The following ZNF880 variants were observed in gnomAD, a reference collection of about 807,000 sequenced individuals.
ZNF880 encodes the protein zinc finger protein 880.
ZNF880 carries 12 observed loss-of-function variants against 11.8 expected under a neutral mutation model. The observed-to-expected ratio is 1.02, with a 90% CI of 0.65 to 1.65. The LOEUF is 1.65. Among genes scored for constraint, ZNF880 ranks in the 40% most tolerant of loss-of-function variants. The pLI is 0.00. For missense variants in ZNF880, 601 were observed against 673.9 expected, an observed-to-expected ratio of 0.89 and a Z score of 1.20; for synonymous variants, 210 against 232.4, an observed-to-expected ratio of 0.90 and a Z score of 0.88.
intron 3 of ZNF880, chr19:52,379,465 G>C (rs1234741964): frequency 3.4e-5 from 15 of 445,934 alleles, no homozygotes; most frequent in South Asian, 2.4e-4. Flanking sequence ...CCGCGATCTC[G>C]GCTCACTGCA....
At chr19:52,392,620 G>A in the ZNF880 span, 13 of 184,608 alleles carry the variant, frequency 7.0e-5, 1 homozygote, top group East Asian at 1.9e-3. Flanking sequence ...AGTTTTAAAG[G>A]TGCCACAGTA....
chr19:52,381,191 C>T (rs1422201231), intron 3 of ZNF880, among the ~76,000 whole-genome samples: 2 of 152,114 alleles, frequency 1.3e-5, no homozygotes, highest in African/African-American at 4.8e-5. Flanking sequence ...CTCTAGTAAT[C>T]CTCCTGCCTC....
the ZNF880 span, among the ~76,000 whole-genome samples, chr19:52,392,448 C>A: frequency 6.6e-6 from 1 of 152,116 alleles, no homozygotes; most frequent in Non-Finnish European, 1.5e-5. Context: ...TTACAGGCGT[C>A]CACCACCAAA....
chr19:52,389,500 T>C (rs1297500756), downstream of ZNF880: 4 of 152,192 alleles, frequency 2.6e-5, no homozygotes, highest in African/African-American at 9.6e-5. Context: ...GTCACACTTA[T>C]GCAAGAGGTT....
the ZNF880 span, among the ~76,000 whole-genome samples, chr19:52,392,922 A>G: frequency 6.6e-6 from 1 of 152,036 alleles, no homozygotes; most frequent in African/African-American, 2.4e-5. Flanking sequence ...CCTGGGCTCA[A>G]GTCATCCTCC....
At chr19:52,386,559 T>C (rs940839919), downstream of ZNF880, among the ~76,000 whole-genome samples, 1 of 143,346 alleles carries the variant, frequency 7.0e-6, no homozygotes, top group African/African-American at 2.7e-5. Flanking sequence ...TCCCAGCACT[T>C]TGGGAGGCAA....
In ZNF880 at chr19:52,385,253, C is replaced by A; in HGVS notation, c.1673C>A (p.Thr558Asn). 6 of 1,551,714 alleles carry A rather than the reference C, an allele frequency of 3.9e-6. No individual in the cohort carries two copies. Among genetic ancestry groups the A allele is most frequent in the Non-Finnish European group, 5.2e-6 (6 of 1,147,080 alleles). ...YRCHECGKDF[T>N]RNSNLANHHR... ...TGTCATGAATGTGGTAAGGACTTCACTCGAAATTCAAACCTGGCAAATCAT... is the reference window on the plus strand; with the variant it reads ...TGTCATGAATGTGGTAAGGACTTCAATCGAAATTCAAACCTGGCAAATCAT... Residue 558 changes from threonine to asparagine, a missense_variant, in exon 4 of 4, where the codon ACT becomes AAT. Thr to Asn is a moderately conservative substitution (Grantham distance 65). Around this residue, in one of 3 missense-constraint regions of ZNF880, gnomAD observed 177 missense variants for 214.5 expected, o/e 0.83. Transcript: ENST00000422689.
At chr19:52,380,941 G>A (rs1320157268) in intron 3 of ZNF880, among the ~76,000 whole-genome samples, 1 of 152,100 alleles carries the variant, frequency 6.6e-6, no homozygotes, top group Non-Finnish European at 1.5e-5. Context: ...GCCTTGCAAA[G>A]TGTTGGAATT....
chr19:52,394,000 C>G, the ZNF880 span, among the ~76,000 whole-genome samples: 3 of 145,356 alleles, frequency 2.1e-5, no homozygotes, highest in Non-Finnish European at 4.5e-5. Context: ...CCACACCTGG[C>G]TAATTTTTTT....
intron 1 of ZNF880, among the ~76,000 whole-genome samples, chr19:52,371,377 G>C (rs1568659663): frequency 6.6e-6 from 1 of 151,294 alleles, no homozygotes; most frequent in Non-Finnish European, 1.5e-5. Flanking sequence ...CTGAGATGGA[G>C]TCTCTCTTTG....
At position 52,385,118 on chromosome 19, in the gene ZNF880, T is replaced by G. The variant is rs1416311147; in HGVS notation, c.1538T>G (p.Ile513Ser). 1 of 1,558,274 alleles carries G rather than the reference T, an allele frequency of 6.4e-7. No individual in the cohort carries two copies. The highest frequency in any genetic ancestry group is 1.9e-5 in the Admixed American group (1 of 51,434). ...TCACACCTTGCACGACATAGGCAAA[T>G]TCATACTGGAGAGAAGTCTTACAAA... ...HNSHLARHRQ[I>S]HTGEKSYKCN... The change falls in exon 4 of 4, where the codon ATT becomes AGT. Residue 513 changes from isoleucine (I) to serine (S), a missense_variant. Transcript: ENST00000422689.
intron 3 of ZNF880, among the ~76,000 whole-genome samples, chr19:52,378,113 G>T (rs978711295): frequency 6.6e-6 from 1 of 152,040 alleles, no homozygotes; most frequent in Non-Finnish European, 1.5e-5. Context: ...CCCAGTCCAG[G>T]GAACCTACAG....
chr19:52,373,237 G>A lies in ZNF880; in HGVS notation c.139G>A (p.Gly47Arg), dbSNP rs1187908861. ...VENYRNLVFL[G>R]ICLPDLSVIS... is the part of the protein sequence containing the mutation. ...GAACTACAGGAACCTGGTCTTTCTG[G>A]GTGAGGATAATGTCCCTTCAGAAGT... Residue 47 changes from glycine to arginine, a missense_variant and splice_region_variant, in exon 2 of 4, where the codon GGA (glycine) becomes AGA (arginine). Gly to Arg is a moderately radical substitution (Grantham distance 125, BLOSUM62 -2). Transcript: ENST00000422689. The A allele has an allele frequency of 3.1e-6, 5 of 1,611,192 alleles. No homozygotes were observed. The highest frequency in any genetic ancestry group is 4.2e-6 in the Non-Finnish European group (5 of 1,178,572).
At chr19:52,380,256 T>G (rs757623008) in intron 3 of ZNF880, among the ~76,000 whole-genome samples, 2 of 152,036 alleles carry the variant, frequency 1.3e-5, no homozygotes, top group Admixed American at 1.3e-4. Context: ...CTCCCATTTC[T>G]GCACATTTTT....
chr19:52,376,752 C>A (rs1374272935), intron 3 of ZNF880, among the ~76,000 whole-genome samples: 1 of 152,084 alleles, frequency 6.6e-6, no homozygotes, highest in Non-Finnish European at 1.5e-5. Context: ...TCAGGTGATC[C>A]ACCCGCCTTG....
At chr19:52,389,500 T>G (rs1297500756), downstream of ZNF880, 1 of 152,192 alleles carries the variant, frequency 6.6e-6, no homozygotes, top group African/African-American at 2.4e-5. Flanking sequence ...GTCACACTTA[T>G]GCAAGAGGTT....
chr19:52,392,291 T>TC, the ZNF880 span, among the ~76,000 whole-genome samples: 20 of 116,074 alleles, frequency 1.7e-4, no homozygotes, highest in Non-Finnish European at 2.9e-4. Flanking sequence ...CCTTCCTCCC[T>TC]TTCTCTCTCT....
chr19:52,393,334 A>G, the ZNF880 span, among the ~76,000 whole-genome samples: 1 of 151,956 alleles, frequency 6.6e-6, no homozygotes, highest in East Asian at 1.9e-4. Context: ...CAGCCTCCCA[A>G]AGGGCTGGGA....
At chr19:52,396,789 C>A in the ZNF880 span, 1 of 152,154 alleles carries the variant, frequency 6.6e-6, no homozygotes, top group African/African-American at 2.4e-5. Flanking sequence ...AGAAAATTAG[C>A]ACAGTGGAGA....
Sources: gnomAD v4.1 joint callset for allele counts (sites outside exome capture counted in the v4.1 genomes callset) on GRCh38, gnomAD v4.1.1 for gene constraint, gnomAD v4.1.1 regional missense constraint, MANE v1.5 for transcripts, NCBI Gene and HGNC (gene_info 2026-07-23, HGNC 2026-07-21) for gene names.